KCNAB1: variants seen among roughly 807,000 people sequenced by gnomAD.
KCNAB1 encodes potassium voltage-gated channel subfamily A regulatory beta subunit 1.
Under a neutral mutation model 64.6 loss-of-function variants are expected in KCNAB1, and 35 were observed. The observed-to-expected ratio is 0.54, with a 90% CI of 0.41 to 0.72. The LOEUF (loss-of-function observed/expected upper bound fraction) is 0.72, where lower values mean the gene tolerates loss of function less well. Among genes scored for constraint, KCNAB1 ranks in the 30% least tolerant of loss-of-function variants. The pLI is 0.00. For synonymous variants in KCNAB1, 177 were observed against 183.8 expected, an observed-to-expected ratio of 0.96 and a Z score of 0.30; for missense variants, 401 against 512.9, an observed-to-expected ratio of 0.78 and a Z score of 2.11.
chr3:156,145,110 G>T (rs1258699677), intron 1 of KCNAB1, among the ~76,000 whole-genome samples: 4 of 152,148 alleles, frequency 2.6e-5, no homozygotes, highest in African/African-American at 9.7e-5. Flanking sequence ...CCTTGGTGGG[G>T]AAGGCTCTGT....
At chr3:156,368,865 T>A (rs1379226357) in intron 1 of KCNAB1, among the ~76,000 whole-genome samples, 1 of 152,228 alleles carries the variant, frequency 6.6e-6, no homozygotes, top group South Asian at 2.1e-4. Flanking sequence ...AATGCTGAAA[T>A]AATTATAGCC....
At position 156,531,546 on chromosome 3, in the gene KCNAB1, G is replaced by A. The variant is rs1718702431; in HGVS notation, c.1170+49G>A. ...CATCAGGGAATTTAATGGTGCCTTT[G>A]AGGCTATCTCCAGGCAGTGTCCCAT... On this transcript the variant is annotated intron_variant, in intron 13 of 13. Coordinates refer to ENST00000490337, the MANE Select transcript of KCNAB1 (RefSeq NM_172160.3). 6 of 1,339,396 alleles carry A rather than the reference G, an allele frequency of 4.5e-6. No individual in the cohort carries two copies. In the East Asian group the frequency reaches 1.4e-4, roughly 31 times the overall value. 83.0% of individuals were successfully genotyped at this position (1,339,396 alleles called of 1,614,324 possible). A position where few individuals can be genotyped will look rare whatever the true frequency, so the allele number is the denominator to read the frequency against.
chr3:156,489,992 T>A (rs1715518904), intron 8 of KCNAB1, among the ~76,000 whole-genome samples: 2 of 152,106 alleles, frequency 1.3e-5, no homozygotes, highest in African/African-American at 2.4e-5. Context: ...GCAGTCAGTG[T>A]CCTGCCTTTC....
At chr3:156,312,817 C>T (rs983202327) in intron 1 of KCNAB1, among the ~76,000 whole-genome samples, 2 of 150,670 alleles carry the variant, frequency 1.3e-5, no homozygotes, top group South Asian at 2.1e-4. Context: ...TCAAAAGATG[C>T]AGGTTGACTG....
chr3:156,340,395 A>T (rs1435545049), intron 1 of KCNAB1, among the ~76,000 whole-genome samples: 2 of 152,220 alleles, frequency 1.3e-5, no homozygotes, highest in African/African-American at 4.8e-5. Context: ...GGGCATTGAG[A>T]CCATCACAGT....
rs1716954142 is a variant in KCNAB1, at chr3:156,508,335, C to G, written c.659-6029C>G. 6.6e-6 allele frequency among the ~76,000 whole-genome samples: 1 copy of G among 152,076 alleles called. No individual in the cohort carries two copies. The highest frequency in any genetic ancestry group is 1.5e-5 in the Non-Finnish European group (1 of 68,016). On this transcript the variant is annotated intron_variant, in intron 8 of 13. Transcript: ENST00000490337. This position sits in a 1 kb window ranked among gnomAD's most constrained non-coding sequence, Gnocchi z 4.1. ...AATAAGCATATTTTTATCTTTACCC[C>G]TATGGCTTATTGTTCATGCAGTACA...
Position 156,287,313 on chromosome 3 carries a change from A to C in KCNAB1, c.276-134303A>C, listed in dbSNP as rs1171425862. Among the ~76,000 whole-genome samples the C allele has an allele frequency of 5.5e-5, 8 of 146,774 alleles. No homozygotes were observed. The East Asian group carries it at 1.7e-3, about 32-fold the overall frequency. On this transcript the variant is annotated intron_variant, in intron 1 of 13. Coordinates refer to ENST00000490337, the MANE Select transcript of KCNAB1 (RefSeq NM_172160.3). Reference sequence around the variant, plus strand: ...CTCAGGCAAAGTGTAGGAGTAAGTCATTATTTGGCCCCGTGCAATGTTGCA... The same window carrying C: ...CTCAGGCAAAGTGTAGGAGTAAGTCCTTATTTGGCCCCGTGCAATGTTGCA...
At chr3:156,428,488 TACACACACACACACACACAC>T (rs4056995) in intron 2 of KCNAB1, among the ~76,000 whole-genome samples, 2 of 127,486 alleles carry the variant, frequency 1.6e-5, no homozygotes, top group Admixed American at 7.7e-5. Context: ...AATTCCTCTA[TACACACACACACACACACAC>T]ACACACACAC....
At chr3:156,295,866 T>G (rs1720738644) in intron 1 of KCNAB1, among the ~76,000 whole-genome samples, 1 of 152,238 alleles carries the variant, frequency 6.6e-6, no homozygotes, top group East Asian at 1.9e-4. Flanking sequence ...TGGGAATATT[T>G]CAAGTCCTCT....
intron 7 of KCNAB1, 152 bp from the exon 8 acceptor site, chr3:156,474,582 C>G (rs1714196371): frequency 3.6e-6 from 2 of 549,996 alleles, no homozygotes; most frequent in Non-Finnish European, 6.7e-6. Context: ...TTAAAACGTT[C>G]TAGAGTCAAT....
At chr3:156,454,789 G>T (rs59223796) in intron 3 of KCNAB1, among the ~76,000 whole-genome samples, 3,373 of 152,206 alleles carry the variant, frequency 0.022, 135 homozygotes, top group African/African-American at 0.077. Flanking sequence ...GAAAAAGACA[G>T]AAATATCTTC....
intron 1 of KCNAB1, among the ~76,000 whole-genome samples, chr3:156,160,287 T>C (rs1390906604): frequency 6.6e-6 from 1 of 152,236 alleles, no homozygotes; most frequent in Non-Finnish European, 1.5e-5. Flanking sequence ...ACAATTTAAG[T>C]ATCCTTTCTG....
intron 1 of KCNAB1, among the ~76,000 whole-genome samples, chr3:156,319,261 A>G (rs1722496749): frequency 6.6e-6 from 1 of 152,134 alleles, no homozygotes; most frequent in Non-Finnish European, 1.5e-5. Flanking sequence ...GCAGGTGCAA[A>G]TAGCCCCAAG....
At chr3:156,276,817 C>A (rs1431019765) in intron 1 of KCNAB1, among the ~76,000 whole-genome samples, 1 of 152,086 alleles carries the variant, frequency 6.6e-6, no homozygotes, top group African/African-American at 2.4e-5. Context: ...GATCTTCTAT[C>A]CAAACCGCTA....
Position 156,227,132 on chromosome 3 carries a change from C to T in KCNAB1, c.275+106246C>T, listed in dbSNP as rs1008506440. On this transcript the variant is annotated intron_variant, in intron 1 of 13. Transcript: ENST00000490337. ...TGGTTTCTAAATCTAACTACTTCTT[C>T]GTCACAATGTTGTTTTTAAAAAGTT... 9.2e-5 allele frequency among the ~76,000 whole-genome samples: 14 copies of T among 152,300 alleles called. 1 individual carries two copies. Among genetic ancestry groups the T allele is most frequent in the African/African-American group, 2.2e-4 (9 of 41,576 alleles).
intron 1 of KCNAB1, among the ~76,000 whole-genome samples, chr3:156,160,470 C>T (rs1577655420): frequency 6.6e-6 from 1 of 152,282 alleles, no homozygotes; most frequent in East Asian, 1.9e-4. Flanking sequence ...CTTGCTCTCA[C>T]CCCACCCCTC....
At chr3:156,402,819 T>G (rs908549484) in intron 1 of KCNAB1, among the ~76,000 whole-genome samples, 3 of 152,328 alleles carry the variant, frequency 2.0e-5, no homozygotes, top group Non-Finnish European at 2.9e-5. Context: ...CTAAATTCCT[T>G]TGTTAGTTTT....
At chr3:156,280,595 C>T (rs1013979004) in intron 1 of KCNAB1, among the ~76,000 whole-genome samples, 1 of 147,688 alleles carries the variant, frequency 6.8e-6, no homozygotes, top group African/African-American at 2.5e-5. Context: ...TCTTCCTACC[C>T]ATGAGCATGG....
chr3:156,121,007 G>A, intron 1 of KCNAB1, 121 bp downstream of exon 1: 2 of 1,157,492 alleles, frequency 1.7e-6, no homozygotes, highest in East Asian at 5.0e-5. Flanking sequence ...CCTTAGAGAT[G>A]ATTGGCACTT....
Sources: allele counts gnomAD v4.1 joint callset (sites outside exome capture counted in the v4.1 genomes callset), GRCh38; gene constraint gnomAD v4.1.1; non-coding constraint Gnocchi (gnomAD v3.1); transcripts MANE v1.5; gene names NCBI Gene and HGNC (gene_info 2026-07-23, HGNC 2026-07-21).